Variants in PPP1R1C observed in about 807,000 individuals in gnomAD.
PPP1R1C encodes the protein protein phosphatase 1 regulatory inhibitor subunit 1C.
PPP1R1C carries 15 observed loss-of-function variants against 17.4 expected under a neutral mutation model. That is an observed-to-expected ratio of 0.86 (90% CI 0.58 to 1.33). The LOEUF (loss-of-function observed/expected upper bound fraction) is 1.33. Among genes scored for constraint, PPP1R1C ranks in the 40% most tolerant of loss-of-function variants. The pLI is 0.00. For synonymous variants in PPP1R1C, 35 were observed against 43.1 expected (o/e 0.81, Z 0.73); for missense variants, 143 against 130.0 (o/e 1.10, Z -0.48).
chr2:182,113,192 A>G (rs1259331532), intron 4 of PPP1R1C, among the ~76,000 whole-genome samples: 1 of 152,220 alleles, frequency 6.6e-6, no homozygotes, highest in Non-Finnish European at 1.5e-5. Flanking sequence ...GGGCAAACAT[A>G]AAGAATTTGG....
intron 4 of PPP1R1C, among the ~76,000 whole-genome samples, chr2:182,106,444 G>A (rs1297453281): frequency 6.6e-6 from 1 of 152,172 alleles, no homozygotes; most frequent in Admixed American, 6.5e-5. Flanking sequence ...GGACACCAAG[G>A]GGAATTTGGT....
At chr2:182,047,233 T>C (rs887000239) in intron 2 of PPP1R1C, among the ~76,000 whole-genome samples, 1 of 152,162 alleles carries the variant, frequency 6.6e-6, no homozygotes, top group Non-Finnish European at 1.5e-5. Context: ...ATATCTTATG[T>C]AGAAAAATGA....
intron 2 of PPP1R1C, among the ~76,000 whole-genome samples, chr2:182,016,659 G>A (rs1440893456): frequency 1.3e-5 from 2 of 152,084 alleles, no homozygotes; most frequent in African/African-American, 2.4e-5. Context: ...AAGTAGTTAT[G>A]CATATATTTG....
rs767935638 is a variant in PPP1R1C, at chr2:182,064,595, C to T, written c.241+804C>T. 1.4e-4 allele frequency among the ~76,000 whole-genome samples: 22 copies of T among 152,104 alleles called. 1 individual carries two copies. Among genetic ancestry groups the T allele is most frequent in the Middle Eastern group, 6.8e-3 (2 of 294 alleles). On this transcript the variant is annotated intron_variant, in intron 4 of 4. Transcript: ENST00000682840. ...GGGCTAAATTGGGAGTGAAATTTCCCACTCTGTATTTGCTCTAGATTTGGG... is the reference window on the plus strand; with the variant it reads ...GGGCTAAATTGGGAGTGAAATTTCCTACTCTGTATTTGCTCTAGATTTGGG...
intron 2 of PPP1R1C, among the ~76,000 whole-genome samples, chr2:182,003,587 T>C (rs995940769): frequency 6.6e-6 from 1 of 152,094 alleles, no homozygotes; most frequent in African/African-American, 2.4e-5. Context: ...GCAGTTTATA[T>C]CTCTGAATTT....
intron 1 of PPP1R1C, chr2:181,954,747 A>AT (rs1684643425): frequency 6.6e-6 from 1 of 152,152 alleles, no homozygotes; most frequent in Non-Finnish European, 1.5e-5. Flanking sequence ...GGCAGTTAAC[A>AT]TTTTATTGCC....
At chr2:182,123,627 G>A (rs927351511) in intron 5 of PPP1R1C, among the ~76,000 whole-genome samples, 9 of 152,184 alleles carry the variant, frequency 5.9e-5, no homozygotes, top group South Asian at 4.1e-4. Context: ...TTTATCATAC[G>A]TTTGTTGACC....
intron 2 of PPP1R1C, among the ~76,000 whole-genome samples, chr2:181,993,800 G>A (rs922561338): frequency 1.1e-3 from 162 of 152,038 alleles, no homozygotes; most frequent in African/African-American, 3.9e-3. Context: ...CAATCAGTTG[G>A]AATAATTGTG....
At chr2:181,968,549 T>C (rs1381616475) in intron 1 of PPP1R1C, among the ~76,000 whole-genome samples, 2 of 152,236 alleles carry the variant, frequency 1.3e-5, no homozygotes. Context: ...ATGGAATGTC[T>C]TTTCCCATCC....
At chr2:182,008,643 C>A (rs987282797) in intron 2 of PPP1R1C, among the ~76,000 whole-genome samples, 1 of 152,188 alleles carries the variant, frequency 6.6e-6, no homozygotes, top group Non-Finnish European at 1.5e-5. Flanking sequence ...GTATCCATCA[C>A]CTCAAGCATT....
At chr2:182,032,822 G>A (rs1010835901) in intron 2 of PPP1R1C, among the ~76,000 whole-genome samples, 18 of 152,064 alleles carry the variant, frequency 1.2e-4, no homozygotes, top group Admixed American at 9.8e-4. Flanking sequence ...CTAAGTGCTC[G>A]ATAAATATTA....
chr2:182,110,286 A>T (rs1461166944), intron 4 of PPP1R1C, among the ~76,000 whole-genome samples: 1 of 140,884 alleles, frequency 7.1e-6, no homozygotes, highest in Non-Finnish European at 1.5e-5. Flanking sequence ...TATTAAAATA[A>T]ATAATACATT....
At chr2:182,022,490 A>G (rs1377520802) in intron 2 of PPP1R1C, among the ~76,000 whole-genome samples, 1 of 152,198 alleles carries the variant, frequency 6.6e-6, no homozygotes, top group Non-Finnish European at 1.5e-5. Context: ...CAGTGAAGGA[A>G]AGAAATAGAC....
chr2:181,990,124 A>T (rs1436122731), intron 2 of PPP1R1C, among the ~76,000 whole-genome samples: 4 of 150,564 alleles, frequency 2.7e-5, no homozygotes, highest in Admixed American at 2.0e-4. Flanking sequence ...TGGGAAAGGG[A>T]TATCTCCAAG....
chr2:182,076,197 C>CTTTTTTTTTTTTTTTTTTTTTTTTTTT lies in PPP1R1C; in HGVS notation c.241+12421_241+12447dup, dbSNP rs1165789924. ...GATTTTGAACTTTTTTTTTTCTTTTCTTTTTTTTTTTTTTTTTTTTTTTTT... is the reference window on the plus strand; with the variant it reads ...GATTTTGAACTTTTTTTTTTCTTTTCTTTTTTTTTTTTTTTTTTTTTTTTTTTTTTTTTTTTTTTTTTTTTTTTTTTT... On this transcript the variant is annotated intron_variant, in intron 4 of 4. Coordinates refer to ENST00000682840, the MANE Select transcript of PPP1R1C (RefSeq NM_001080545.3). Among the ~76,000 whole-genome samples the CTTTTTTTTTTTTTTTTTTTTTTTTTTT allele has an allele frequency of 7.0e-4, 18 of 25,862 alleles. 3 individuals are homozygous for CTTTTTTTTTTTTTTTTTTTTTTTTTTT. The highest frequency in any genetic ancestry group is 2.3e-3 in the South Asian group (1 of 438). 17.0% of individuals were successfully genotyped at this position (25,862 alleles called of 152,430 possible). A position where few individuals can be genotyped will look rare whatever the true frequency, so the allele number is the denominator to read the frequency against.
chr2:181,964,199 G>GGT (rs1453835470), intron 1 of PPP1R1C, among the ~76,000 whole-genome samples: 1 of 152,046 alleles, frequency 6.6e-6, no homozygotes, highest in Non-Finnish European at 1.5e-5. Flanking sequence ...CACAAAAAAT[G>GGT]GAGAACATAC....
At chr2:182,025,105 T>C (rs1015323031) in intron 2 of PPP1R1C, among the ~76,000 whole-genome samples, 2 of 150,288 alleles carry the variant, frequency 1.3e-5, no homozygotes, top group African/African-American at 4.9e-5. Flanking sequence ...TCTATACTCT[T>C]TATAAGGCAA....
rs749911538 is a variant in PPP1R1C at position 182,117,245 on chromosome 2, C to T, written c.280C>T (p.Pro94Ser). 8 of 1,562,306 alleles carry T rather than the reference C, an allele frequency of 5.1e-6. No homozygotes were observed. In the South Asian group the frequency reaches 8.3e-5, roughly 16 times the overall value. Residue 94 changes from proline (P) to serine (S), a missense_variant, in exon 5 of 5, where the codon CCT (proline) becomes TCT (serine). By Grantham distance (74) the Pro-to-Ser change is moderately conservative. Coordinates refer to ENST00000682840, the MANE Select transcript of PPP1R1C (RefSeq NM_001080545.3). The stretch of plus-strand genomic sequence containing the variant: ...GAAAGGCCAGAATGAATCAGCATTC[C>T]CTGAAGAAGAAGAAGGCACCAATGA... ...HLKGQNESAF[P>S]EEEEGTNERE...
intron 4 of PPP1R1C, among the ~76,000 whole-genome samples, chr2:182,078,678 A>G (rs1688385814): frequency 1.3e-5 from 2 of 152,250 alleles, no homozygotes; most frequent in Non-Finnish European, 2.9e-5. Context: ...CCCAGCTCTG[A>G]CAATTCAAAT....
Sources: allele counts gnomAD v4.1 joint callset (sites outside exome capture counted in the v4.1 genomes callset), GRCh38; gene constraint gnomAD v4.1.1; transcripts MANE v1.5; gene names NCBI Gene and HGNC (gene_info 2026-07-23, HGNC 2026-07-21).